Variants in ATOH1 observed in about 807,000 individuals in gnomAD.
ATOH1 encodes the protein transcription factor ATOH1.
A neutral mutation model predicts 20.7 loss-of-function variants in ATOH1; 9 were observed. The observed-to-expected ratio is 0.44, with a 90% confidence interval of 0.26 to 0.76. The LOEUF is 0.76. ATOH1 is among the 30% of genes least tolerant of loss of function. ATOH1 has a pLI of 0.20. For synonymous variants in ATOH1, 247 were observed against 214.3 expected, an observed-to-expected ratio of 1.15 and a Z score of -1.33; for missense variants, 516 against 479.3, an observed-to-expected ratio of 1.08 and a Z score of -0.71.
Position 93,829,290 on chromosome 4 carries a change from G to C in ATOH1, c.364G>C (p.Val122Leu), listed in dbSNP as rs1735394773. The change falls in exon 1 of 1, where the codon GTG becomes CTG. Residue 122 changes from valine (V) to leucine (L), a missense_variant. By Grantham distance (32) the Val-to-Leu change is conservative (BLOSUM62 1). Transcript: ENST00000306011. The surrounding 1 kb of genome is among the most constrained non-coding windows in gnomAD (Gnocchi z 4.5). ...GASSSKSPGPVKVREQLCKLK... is the reference protein window; with the variant it reads ...GASSSKSPGPLKVREQLCKLK... Reference sequence around the variant, plus strand: ...CAGCAGCAGCAAGAGCCCCGGGCCGGTGAAAGTGCGGGAACAGCTGTGCAA... The same window carrying C: ...CAGCAGCAGCAAGAGCCCCGGGCCGCTGAAAGTGCGGGAACAGCTGTGCAA... The C allele has an allele frequency of 6.2e-7, 1 of 1,610,770 alleles. No individual in the cohort carries two copies. The highest frequency in any genetic ancestry group is 8.5e-7 in the Non-Finnish European group (1 of 1,177,866).
chr4:93,829,735 G>A lies in ATOH1; in HGVS notation c.809G>A (p.Gly270Glu), dbSNP rs373713422. The stretch of plus-strand genomic sequence containing the variant: ...GGGAGCCAGCGGCCGACCCCGCCCG[G>A]GAGTTGCCGGACTCGCTTCTCAGCC... ...SGGSQRPTPPGSCRTRFSAPA... is the reference protein window; with the variant it reads ...SGGSQRPTPPESCRTRFSAPA... Residue 270 changes from glycine to glutamate, a missense_variant, in exon 1 of 1, where the codon GGG (glycine) becomes GAG (glutamate). Gly to Glu is a moderately conservative substitution (Grantham distance 98). Transcript: ENST00000306011. The surrounding 1 kb of genome is among the most constrained non-coding windows in gnomAD (Gnocchi z 4.5). The A allele has an allele frequency of 3.7e-5, 59 of 1,579,510 alleles. No individual in the cohort carries two copies. The highest frequency in any genetic ancestry group is 3.4e-4 in the Middle Eastern group (2 of 5,866).
chr4:93,829,977 G>A lies in ATOH1; in HGVS notation c.1051G>A (p.Asp351Asn). 1.3e-6 allele frequency: 2 copies of A among 1,597,384 alleles called. No homozygotes were observed. The highest frequency in any genetic ancestry group is 8.5e-7 in the Non-Finnish European group (1 of 1,171,644). ...CCCCCATTCCCATTACAGTGACTCG[G>A]ATGAGGCAAGTTAGGAAGGTGACAG... ...FSPHSHYSDS[D>N]EAS Residue 351 changes from aspartate (D) to asparagine (N), a missense_variant, in exon 1 of 1, where the codon GAT becomes AAT. Coordinates refer to ENST00000306011, the MANE Select transcript of ATOH1 (RefSeq NM_005172.2). The surrounding 1 kb of genome is among the most constrained non-coding windows in gnomAD (Gnocchi z 4.5).
chr4:93,829,802 G>A lies in ATOH1; in HGVS notation c.876G>A (p.Leu292=), dbSNP rs1281934272. Residue 292 remains leucine, a synonymous_variant, in exon 1 of 1, where the codon CTG becomes CTA. Coordinates refer to ENST00000306011, the MANE Select transcript of ATOH1 (RefSeq NM_005172.2). This position sits in a 1 kb window ranked among gnomAD's most constrained non-coding sequence, Gnocchi z 4.5. ...AGGYSVQLDA[L]HFSTFEDSAL... is the part of the protein sequence containing the mutation. ...GGTACTCGGTGCAGCTGGACGCTCTGCACTTCTCGACTTTCGAGGACAGCG... is the reference window on the plus strand; with the variant it reads ...GGTACTCGGTGCAGCTGGACGCTCTACACTTCTCGACTTTCGAGGACAGCG... 3 of 1,613,664 alleles carry A rather than the reference G, an allele frequency of 1.9e-6. No homozygotes were observed. Among genetic ancestry groups the A allele is most frequent in the South Asian group, 1.1e-5 (1 of 91,050 alleles).
Position 93,828,923 on chromosome 4 carries a change from T to G in ATOH1, c.-4T>G. ...ATCCTGAGCCTCCGAGCCTTTGCAG[T>G]GCAATGTCCCGCCTGCTGCATGCAG... is the stretch of plus-strand genomic sequence containing the variant. On this transcript the variant is annotated 5_prime_UTR_variant, in exon 1 of 1. Transcript: ENST00000306011. 1 of 1,580,772 alleles carries G rather than the reference T, an allele frequency of 6.3e-7. No homozygotes were observed. Among genetic ancestry groups the G allele is most frequent in the Non-Finnish European group, 8.6e-7 (1 of 1,161,664 alleles).
chr4:93,829,550 C>T lies in ATOH1; in HGVS notation c.624C>T (p.Ile208=). Residue 208 remains isoleucine, a synonymous_variant, in exon 1 of 1, where the codon ATC becomes ATT. Transcript: ENST00000306011. This position sits in a 1 kb window ranked among gnomAD's most constrained non-coding sequence, Gnocchi z 4.5. ...YETLQMAQIY[I]NALSELLQTP... ...CCCTGCAGATGGCCCAAATCTACAT[C>T]AACGCCTTGTCCGAGCTGCTACAAA... The T allele has an allele frequency of 6.2e-7, 1 of 1,614,238 alleles. No individual in the cohort carries two copies. The highest frequency in any genetic ancestry group is 1.1e-5 in the South Asian group (1 of 91,092).
chr4:93,829,946 A>T lies in ATOH1; in HGVS notation c.1020A>T (p.Glu340Asp). The T allele has an allele frequency of 6.2e-7, 1 of 1,612,546 alleles. No individual in the cohort carries two copies. Among genetic ancestry groups the T allele is most frequent in the Non-Finnish European group, 8.5e-7 (1 of 1,179,158 alleles). The change falls in exon 1 of 1, where the codon GAA (glutamate) becomes GAT (aspartate). Residue 340 changes from glutamate (E) to aspartate (D), a missense_variant. Coordinates refer to ENST00000306011, the MANE Select transcript of ATOH1 (RefSeq NM_005172.2). This position sits in a 1 kb window ranked among gnomAD's most constrained non-coding sequence, Gnocchi z 4.5. Reference protein sequence around the residue: ...TSPRSHRSDGEFSPHSHYSDS... With the variant: ...TSPRSHRSDGDFSPHSHYSDS... ...CTCGGTCCCACAGAAGCGACGGGGA[A>T]TTTTCCCCCCATTCCCATTACAGTG...
rs1045137930 is a variant in ATOH1, at chr4:93,829,605, C to G, written c.679C>G (p.Pro227Ala). The G allele has an allele frequency of 6.2e-7, 1 of 1,612,798 alleles. No individual in the cohort carries two copies. Among genetic ancestry groups the G allele is most frequent in the African/African-American group, 1.3e-5 (1 of 74,900 alleles). The change falls in exon 1 of 1, where the codon CCT (proline) becomes GCT (alanine). Residue 227 changes from proline (P) to alanine (A), a missense_variant. Coordinates refer to ENST00000306011, the MANE Select transcript of ATOH1 (RefSeq NM_005172.2). The surrounding 1 kb of genome is among the most constrained non-coding windows in gnomAD (Gnocchi z 4.5). ...TPSGGEQPPP[P>A]PASCKSDHHH... ...CAGCGGAGGGGAACAGCCACCGCCG[C>G]CTCCAGCCTCCTGCAAAAGCGACCA...
Position 93,829,392 on chromosome 4 carries a change from G to T in ATOH1, c.466G>T (p.Val156Leu), listed in dbSNP as rs753993575. The change falls in exon 1 of 1, where the codon GTG (valine) becomes TTG (leucine). Residue 156 changes from valine (V) to leucine (L), a missense_variant. Val to Leu is a conservative substitution (Grantham distance 32, BLOSUM62 1). Transcript: ENST00000306011. This position sits in a 1 kb window ranked among gnomAD's most constrained non-coding sequence, Gnocchi z 4.5. Reference sequence around the variant, plus strand: ...CCCTTCCAGCAAACAGGTGAATGGGGTGCAGAAGCAGAGACGGCTAGCAGC... The same window carrying T: ...CCCTTCCAGCAAACAGGTGAATGGGTTGCAGAAGCAGAGACGGCTAGCAGC... ...RAPSSKQVNG[V>L]QKQRRLAANA... is the part of the protein sequence containing the mutation. 16 of 1,614,120 alleles carry T rather than the reference G, an allele frequency of 9.9e-6. No individual in the cohort carries two copies. The African/African-American group carries it at 1.9e-4, about 19-fold the overall frequency.
chr4:93,830,086 A>G lies in ATOH1; in HGVS notation c.*95A>G. The G allele has an allele frequency of 1.4e-6, 2 of 1,467,674 alleles. No homozygotes were observed. Among genetic ancestry groups the G allele is most frequent in the East Asian group, 2.5e-5 (1 of 40,724 alleles). The allele number at this position is 1,467,674 out of a possible 1,614,324, so 90.9% of individuals were successfully genotyped here. On this transcript the variant is annotated 3_prime_UTR_variant, in exon 1 of 1. Coordinates refer to ENST00000306011, the MANE Select transcript of ATOH1 (RefSeq NM_005172.2). ...CGGTTAAAGATCCCCGCACCCTTTA[A>G]TTTTTGCTCTGCGATGGTCGTTGTT...
At position 93,829,724 on chromosome 4, in the gene ATOH1, G is replaced by A. The variant is rs370454058; in HGVS notation, c.798G>A (p.Pro266=). 1.0e-5 allele frequency: 16 copies of A among 1,572,054 alleles called. No homozygotes were observed. In the African/African-American group the frequency reaches 1.9e-4, roughly 19 times the overall value. ...AQQASGGSQR[P]TPPGSCRTRF... is the part of the protein sequence containing the mutation. ...AGGCTTCCGGAGGGAGCCAGCGGCC[G>A]ACCCCGCCCGGGAGTTGCCGGACTC... Residue 266 remains proline (P), a synonymous_variant, in exon 1 of 1, where the codon CCG becomes CCA. Transcript: ENST00000306011. This position sits in a 1 kb window ranked among gnomAD's most constrained non-coding sequence, Gnocchi z 4.5.
At position 93,829,893 on chromosome 4, in the gene ATOH1, G is replaced by C. The variant is rs1735411008; in HGVS notation, c.967G>C (p.Val323Leu). The change falls in exon 1 of 1, where the codon GTG becomes CTG. Residue 323 changes from valine (V) to leucine (L), a missense_variant. Val to Leu is a conservative substitution (Grantham distance 32, BLOSUM62 1). Transcript: ENST00000306011. This position sits in a 1 kb window ranked among gnomAD's most constrained non-coding sequence, Gnocchi z 4.5. ...PSLPGSILQP[V>L]QEENSKTSPR... ...TCTCCCCGGGAGCATCTTGCAGCCA[G>C]TGCAGGAGGAAAACAGCAAAACTTC... 1 of 1,614,178 alleles carries C rather than the reference G, an allele frequency of 6.2e-7. No individual in the cohort carries two copies.
Position 93,828,791 on chromosome 4 carries a change from C to G in ATOH1, c.-136C>G. ...TGCACGCGACCTGGTGTGTGATCTC[C>G]GAGTGGGTGGGGGAGGGTCGAGGAG... is the stretch of plus-strand genomic sequence containing the variant. On this transcript the variant is annotated 5_prime_UTR_variant, in exon 1 of 1. Coordinates refer to ENST00000306011, the MANE Select transcript of ATOH1 (RefSeq NM_005172.2). 1.0e-6 allele frequency: 1 copy of G among 974,556 alleles called. No individual in the cohort carries two copies. The highest frequency in any genetic ancestry group is 1.5e-6 in the Non-Finnish European group (1 of 682,558). The allele number at this position is 974,556 out of a possible 1,614,324, so 60.4% of individuals were successfully genotyped here.
rs1735386453 is a variant in ATOH1 at position 93,828,972 on chromosome 4, T to C, written c.46T>C (p.Leu16=). The C allele has an allele frequency of 6.2e-7, 1 of 1,611,172 alleles. No homozygotes were observed. Among genetic ancestry groups the C allele is most frequent in the Non-Finnish European group, 8.5e-7 (1 of 1,178,680 alleles). The change falls in exon 1 of 1, where the codon TTG becomes CTG. Residue 16 remains leucine (L), a synonymous_variant. Transcript: ENST00000306011. ...HAEEWAEVKE[L]GDHHRQPQPH... Reference sequence around the variant, plus strand: ...AGAAGAGTGGGCTGAAGTGAAGGAGTTGGGAGACCACCATCGCCAGCCCCA... The same window carrying C: ...AGAAGAGTGGGCTGAAGTGAAGGAGCTGGGAGACCACCATCGCCAGCCCCA...
chr4:93,829,235 G>A lies in ATOH1; in HGVS notation c.309G>A (p.Gly103=), dbSNP rs547129931. Residue 103 remains glycine, a synonymous_variant, in exon 1 of 1, where the codon GGG becomes GGA. Transcript: ENST00000306011. The surrounding 1 kb of genome is among the most constrained non-coding windows in gnomAD (Gnocchi z 4.5). ...CCCGGGACGAGGTGGACGGCCGGGG[G>A]GAGCTGGTAAGGAGGAGCAGCGGCG... ...AAPRDEVDGR[G]ELVRRSSGGA... 4 of 1,590,134 alleles carry A rather than the reference G, an allele frequency of 2.5e-6. No homozygotes were observed. The highest frequency in any genetic ancestry group is 4.5e-5 in the East Asian group (2 of 44,602).
rs1196284236 is a variant in ATOH1 at position 93,829,641 on chromosome 4, C to T, written c.715C>T (p.Arg239Cys). 5.0e-6 allele frequency: 8 copies of T among 1,601,910 alleles called. No individual in the cohort carries two copies. Among genetic ancestry groups the T allele is most frequent in the East Asian group, 2.2e-5 (1 of 44,832 alleles). Reference sequence around the variant, plus strand: ...CTGCAAAAGCGACCACCACCACCTTCGCACCGCGGCCTCCTATGAAGGGGG... The same window carrying T: ...CTGCAAAAGCGACCACCACCACCTTTGCACCGCGGCCTCCTATGAAGGGGG... ...ASCKSDHHHL[R>C]TAASYEGGAG... The change falls in exon 1 of 1, where the codon CGC (arginine) becomes TGC (cysteine). Residue 239 changes from arginine (R) to cysteine (C), a missense_variant. By Grantham distance (180) the Arg-to-Cys change is radical. Coordinates refer to ENST00000306011, the MANE Select transcript of ATOH1 (RefSeq NM_005172.2). This position sits in a 1 kb window ranked among gnomAD's most constrained non-coding sequence, Gnocchi z 4.5.
In ATOH1 at chr4:93,829,549, T is replaced by C. The variant is rs1373945215; in HGVS notation, c.623T>C (p.Ile208Thr). 2 of 1,614,158 alleles carry C rather than the reference T, an allele frequency of 1.2e-6. No individual in the cohort carries two copies. Among genetic ancestry groups the C allele is most frequent in the Non-Finnish European group, 1.7e-6 (2 of 1,180,020 alleles). Residue 208 changes from isoleucine (I) to threonine (T), a missense_variant, in exon 1 of 1, where the codon ATC (isoleucine) becomes ACC (threonine). Physicochemically the swap from Ile to Thr is moderately conservative, Grantham distance 89 (BLOSUM62 -1). Coordinates refer to ENST00000306011, the MANE Select transcript of ATOH1 (RefSeq NM_005172.2). This position sits in a 1 kb window ranked among gnomAD's most constrained non-coding sequence, Gnocchi z 4.5. ...YETLQMAQIY[I>T]NALSELLQTP... ...ACCCTGCAGATGGCCCAAATCTACATCAACGCCTTGTCCGAGCTGCTACAA... is the reference window on the plus strand; with the variant it reads ...ACCCTGCAGATGGCCCAAATCTACACCAACGCCTTGTCCGAGCTGCTACAA...
At position 93,830,071 on chromosome 4, in the gene ATOH1, TC is replaced by T; in HGVS notation, c.*84del. The T allele has an allele frequency of 1.3e-6, 2 of 1,495,714 alleles. No homozygotes were observed. Among genetic ancestry groups the T allele is most frequent in the Non-Finnish European group, 1.8e-6 (2 of 1,125,526 alleles). The allele number at this position is 1,495,714 out of a possible 1,614,324, so 92.7% of individuals were successfully genotyped here. ...GCGCGGGAAGCCCCGCGGTTAAAGA[TC>T]CCCGCACCCTTTAATTTTTGCTCTG... is the stretch of plus-strand genomic sequence containing the variant. On this transcript the variant is annotated 3_prime_UTR_variant, in exon 1 of 1. Coordinates refer to ENST00000306011, the MANE Select transcript of ATOH1 (RefSeq NM_005172.2).
rs567430435 is a variant in ATOH1 at position 93,830,185 on chromosome 4, C to A, written c.*194C>A. 1 of 1,224,252 alleles carries A rather than the reference C, an allele frequency of 8.2e-7. No homozygotes were observed. The highest frequency in any genetic ancestry group is 1.1e-6 in the Non-Finnish European group (1 of 916,138). The allele number at this position is 1,224,252 out of a possible 1,614,324, so 75.8% of individuals were successfully genotyped here. A position where few individuals can be genotyped will look rare whatever the true frequency, so the allele number is the denominator to read the frequency against. On this transcript the variant is annotated 3_prime_UTR_variant, in exon 1 of 1. Coordinates refer to ENST00000306011, the MANE Select transcript of ATOH1 (RefSeq NM_005172.2). ...TGCCGCCGCTGTTCCAAACTTCCTA[C>A]GGTCCATATTGTTTGATGAAAACTT...
Position 93,828,946 on chromosome 4 carries a change from C to G in ATOH1, c.20C>G (p.Ala7Gly). The G allele has an allele frequency of 6.2e-7, 1 of 1,603,552 alleles. No individual in the cohort carries two copies. Among genetic ancestry groups the G allele is most frequent in the Non-Finnish European group, 8.5e-7 (1 of 1,174,324 alleles). Residue 7 changes from alanine (A) to glycine (G), a missense_variant, in exon 1 of 1, where the codon GCA becomes GGA. Ala to Gly is a moderately conservative substitution (Grantham distance 60). Transcript: ENST00000306011. MSRLLH[A>G]EEWAEVKELG... ...AGTGCAATGTCCCGCCTGCTGCATG[C>G]AGAAGAGTGGGCTGAAGTGAAGGAG... is the stretch of plus-strand genomic sequence containing the variant.
Sources: gnomAD v4.1 joint callset for allele counts on GRCh38, gnomAD v4.1.1 for gene constraint, Gnocchi (gnomAD v3.1) non-coding constraint, MANE v1.5 for transcripts, NCBI Gene and HGNC (gene_info 2026-07-23, HGNC 2026-07-21) for gene names.